Variants in ZNF222 observed in about 807,000 individuals in gnomAD.
ZNF222 encodes zinc finger protein 222.
Under a neutral mutation model 11.6 loss-of-function variants are expected in ZNF222, and 8 were observed. That is an observed-to-expected ratio of 0.69 (90% CI 0.41 to 1.25). ZNF222 has a LOEUF of 1.25. Ranked by LOEUF, ZNF222 falls within the 50% of genes most tolerant of loss-of-function variation. The pLI, the probability that ZNF222 is intolerant of heterozygous loss-of-function variation, is 0.01. For synonymous variants in ZNF222, 171 were observed against 195.6 expected (o/e 0.87, Z 1.05); for missense variants, 483 against 576.1 (o/e 0.84, Z 1.65).
chr19:44,026,116 C>G (rs770869924), intron 1 of ZNF222: 27 of 1,608,998 alleles, frequency 1.7e-5, no homozygotes, highest in Admixed American at 8.4e-5. Context: ...TTTTCTTTGA[C>G]AGAGATGCTT....
At chr19:44,026,089 G>T (rs751723905) in intron 1 of ZNF222, 22 of 1,613,482 alleles carry the variant, frequency 1.4e-5, no homozygotes, top group Non-Finnish European at 1.7e-5. Flanking sequence ...AGCTCTACGT[G>T]AGTGATCCTT....
rs149989934 is a variant in ZNF222 at position 44,027,124 on chromosome 19, G to T, written c.144G>T (p.Glu48Asp). 1 of 1,614,070 alleles carries T rather than the reference G, an allele frequency of 6.2e-7. No homozygotes were observed. The highest frequency in any genetic ancestry group is 8.5e-7 in the Non-Finnish European group (1 of 1,180,002). Residue 48 changes from glutamate (E) to aspartate (D), a missense_variant, in exon 2 of 4, where the codon GAG (glutamate) becomes GAT (aspartate). Glu to Asp is a conservative substitution (Grantham distance 45). Transcript: ENST00000391960. ...QRKLYRDVMLENFRNLLSVGH... is the reference protein window; with the variant it reads ...QRKLYRDVMLDNFRNLLSVGH... ...AGCTGTACCGAGATGTGATGCTTGA[G>T]AACTTCAGGAACCTGCTCTCAGTGG...
rs370527746 is a variant in ZNF222, at chr19:44,031,950, G to A, written c.396G>A (p.Gln132=). 6.2e-7 allele frequency: 1 copy of A among 1,614,072 alleles called. No individual in the cohort carries two copies. Among genetic ancestry groups the A allele is most frequent in the Non-Finnish European group, 8.5e-7 (1 of 1,180,036 alleles). ...AAGATACCACCATAAGTAACTCTCA[G>A]TTATTTGAACAAGATGACAACCCCT... ...RSQDTTISNS[Q]LFEQDDNPSQ... is the part of the protein sequence containing the mutation. The change falls in exon 4 of 4, where the codon CAG becomes CAA. Residue 132 remains glutamine, a synonymous_variant. Transcript: ENST00000391960.
At chr19:44,027,175 G>A in intron 2 of ZNF222, 26 bp downstream of exon 2, 2 of 1,613,188 alleles carry the variant, frequency 1.2e-6, no homozygotes, top group Non-Finnish European at 1.7e-6. Flanking sequence ...CCCTGTAATG[G>A]AATGTCAGGC....
chr19:44,026,895 C>A, intron 1 of ZNF222, 128 bp from the exon 2 acceptor site: 2 of 1,449,754 alleles, frequency 1.4e-6, no homozygotes, highest in Non-Finnish European at 1.9e-6. Context: ...AGTAGGAAAT[C>A]TATAAGCTGA....
rs115237503 is a variant in ZNF222, at chr19:44,025,447, C to T, written c.11C>T (p.Ser4Leu). The part of the protein sequence containing the change: MID[S>L]GEKKPGRRAE... ...GCTCGCAACCACCCAATGATCGATT[C>T]AGGAGAAAAGAAGCCTGGGCGGAGA... Residue 4 changes from serine (S) to leucine (L), a missense_variant, in exon 1 of 4, where the codon TCA (serine) becomes TTA (leucine). Ser to Leu is a moderately radical substitution (Grantham distance 145). Transcript: ENST00000391960. This position sits in a 1 kb window ranked among gnomAD's most constrained non-coding sequence, Gnocchi z 4.6. 2.0e-3 allele frequency: 3,115 copies of T among 1,551,350 alleles called. 73 individuals carry two copies. In the African/African-American group the frequency reaches 0.039, roughly 19 times the overall value.
rs370527746 is a variant in ZNF222, at chr19:44,031,950, G to C, written c.396G>C (p.Gln132His). Reference protein sequence around the residue: ...RSQDTTISNSQLFEQDDNPSQ... With the variant: ...RSQDTTISNSHLFEQDDNPSQ... The stretch of plus-strand genomic sequence containing the variant: ...AAGATACCACCATAAGTAACTCTCA[G>C]TTATTTGAACAAGATGACAACCCCT... The change falls in exon 4 of 4, where the codon CAG (glutamine) becomes CAC (histidine). Residue 132 changes from glutamine to histidine, a missense_variant. Transcript: ENST00000391960. The C allele has an allele frequency of 1.2e-6, 2 of 1,614,190 alleles. No homozygotes were observed. The highest frequency in any genetic ancestry group is 2.2e-5 in the South Asian group (2 of 91,084).
Position 44,025,404 on chromosome 19 carries a change from G to A in ZNF222, c.-33G>A, listed in dbSNP as rs1325527667. On this transcript the variant is annotated 5_prime_UTR_variant, in exon 1 of 4. Transcript: ENST00000391960. The surrounding 1 kb of genome is among the most constrained non-coding windows in gnomAD (Gnocchi z 4.6). ...CCACATCTTGCGAGTCCTTCCGAAC[G>A]AGTCTCCTTTCCTTGGGGCTCGCAA... 1.5e-5 allele frequency: 24 copies of A among 1,551,284 alleles called. No homozygotes were observed. Among genetic ancestry groups the A allele is most frequent in the Admixed American group, 5.9e-5 (3 of 50,994 alleles).
At chr19:44,027,684 C>G (rs967592117) in intron 3 of ZNF222, among the ~76,000 whole-genome samples, 194 bp downstream of exon 3, 1 of 133,806 alleles carries the variant, frequency 7.5e-6, no homozygotes, top group Admixed American at 7.9e-5. Flanking sequence ...CCGTAGGAAA[C>G]GGAAGTCACA....
At chr19:44,026,902 C>A in intron 1 of ZNF222, 121 bp from the exon 2 acceptor site, 1 of 1,468,522 alleles carries the variant, frequency 6.8e-7, no homozygotes, top group Non-Finnish European at 9.2e-7. Flanking sequence ...AATCTATAAG[C>A]TGACCTATGT....
chr19:44,029,727 C>A (rs1976460141), intron 3 of ZNF222, among the ~76,000 whole-genome samples: 1 of 152,286 alleles, frequency 6.6e-6, no homozygotes, highest in South Asian at 2.1e-4. Context: ...AAGGTACATA[C>A]TTATCAATTA....
intron 3 of ZNF222, among the ~76,000 whole-genome samples, chr19:44,030,237 A>G (rs570610434): frequency 6.6e-6 from 1 of 152,328 alleles, no homozygotes; most frequent in Admixed American, 6.5e-5. Flanking sequence ...CTTTCAGATA[A>G]CCAAGTTACT....
rs376234987 is a variant in ZNF222, at chr19:44,031,805, G to A, written c.263-12G>A. 1 of 1,608,344 alleles carries A rather than the reference G, an allele frequency of 6.2e-7. No homozygotes were observed. Among genetic ancestry groups the A allele is most frequent in the Non-Finnish European group, 8.5e-7 (1 of 1,176,960 alleles). On this transcript the variant is annotated splice_polypyrimidine_tract_variant and intron_variant, in intron 3 of 3. Transcript: ENST00000391960. Reference sequence around the variant, plus strand: ...CTACTTGTCCACATGTCTTAATTCTGTGTCCTTATAGGAGGCAAGATCCAA... The same window carrying A: ...CTACTTGTCCACATGTCTTAATTCTATGTCCTTATAGGAGGCAAGATCCAA...
In ZNF222 at chr19:44,032,775, A is replaced by G; in HGVS notation, c.1221A>G (p.Arg407=). 1 of 1,614,124 alleles carries G rather than the reference A, an allele frequency of 6.2e-7. No homozygotes were observed. The highest frequency in any genetic ancestry group is 2.2e-5 in the East Asian group (1 of 44,870). Residue 407 remains arginine (R), a synonymous_variant, in exon 4 of 4, where the codon AGA becomes AGG. Transcript: ENST00000391960. The part of the protein sequence containing the change: ...DFHHRTHTGE[R]SYNCDNCGKS... ...ACCATAGAACCCACACGGGAGAGAGATCTTATAACTGTGATAACTGCGGGA... is the reference window on the plus strand; with the variant it reads ...ACCATAGAACCCACACGGGAGAGAGGTCTTATAACTGTGATAACTGCGGGA...
chr19:44,030,924 T>TTAC (rs1323387985), intron 3 of ZNF222: 1 of 152,148 alleles, frequency 6.6e-6, no homozygotes, highest in Non-Finnish European at 1.5e-5. Context: ...CTAAATAATA[T>TTAC]TGTTTCACTA....
intron 3 of ZNF222, among the ~76,000 whole-genome samples, 185 bp downstream of exon 3, chr19:44,027,675 C>T (rs554575271): frequency 2.7e-5 from 4 of 147,324 alleles, no homozygotes; most frequent in East Asian, 4.4e-4. Flanking sequence ...CAAAGTGATC[C>T]GTAGGAAACG....
Position 44,025,624 on chromosome 19 carries a change from A to G in ZNF222, c.42+146A>G. The G allele has an allele frequency of 1.3e-6, 1 of 768,598 alleles. No individual in the cohort carries two copies. Among genetic ancestry groups the G allele is most frequent in the Non-Finnish European group, 2.1e-6 (1 of 487,702 alleles). The allele number at this position is 768,598 out of a possible 1,614,324, so 47.6% of individuals were successfully genotyped here. ...CGCTTAGTCCGCCTCCCTCCTCCCT[A>G]CGTGTGCAGCCCCTTTCAGTGTGGT... On this transcript the variant is annotated intron_variant, in intron 1 of 3. Coordinates refer to ENST00000391960, the MANE Select transcript of ZNF222 (RefSeq NM_001129996.2). This position sits in a 1 kb window ranked among gnomAD's most constrained non-coding sequence, Gnocchi z 4.6.
chr19:44,026,932 C>T, intron 1 of ZNF222, 91 bp from the exon 2 acceptor site: 2 of 1,571,256 alleles, frequency 1.3e-6, no homozygotes, highest in South Asian at 2.4e-5. Flanking sequence ...TCCAAAACAA[C>T]TTTACACTTG....
At position 44,027,071 on chromosome 19, in the gene ZNF222, C is replaced by G. The variant is rs139821519; in HGVS notation, c.91C>G (p.Leu31Val). 1,509 of 1,614,038 alleles carry G rather than the reference C, an allele frequency of 9.3e-4. 16 individuals carry two copies. In the African/African-American group the frequency reaches 0.018, roughly 19 times the overall value. The change falls in exon 2 of 4, where the codon CTG becomes GTG. Residue 31 changes from leucine to valine, a missense_variant. Leu to Val is a conservative substitution (Grantham distance 32). Transcript: ENST00000391960. ...DVAVIFTEEELGLLDPAQRKL... is the reference protein window; with the variant it reads ...DVAVIFTEEEVGLLDPAQRKL... ...GGCTGTGATCTTCACTGAGGAGGAGCTGGGGCTGCTGGACCCTGCCCAGAG... is the reference window on the plus strand; with the variant it reads ...GGCTGTGATCTTCACTGAGGAGGAGGTGGGGCTGCTGGACCCTGCCCAGAG...
Sources: allele counts gnomAD v4.1 joint callset (sites outside exome capture counted in the v4.1 genomes callset), GRCh38; gene constraint gnomAD v4.1.1; non-coding constraint Gnocchi (gnomAD v3.1); transcripts MANE v1.5; gene names NCBI Gene and HGNC (gene_info 2026-07-23, HGNC 2026-07-21).